Variants in BRINP1 observed in about 807,000 individuals in gnomAD.
BRINP1 encodes the protein BMP/retinoic acid-inducible neural-specific protein 1.
Under a neutral mutation model 72.9 loss-of-function variants are expected in BRINP1, and 17 were observed. The observed-to-expected ratio is 0.23, with a 90% CI of 0.16 to 0.35. BRINP1 has a LOEUF of 0.35. BRINP1 is among the 10% of genes least tolerant of loss of function. The pLI is 1.00. For missense variants in BRINP1, 850 were observed against 1,001.6 expected (o/e 0.85, Z 2.04); for synonymous variants, 418 against 378.5 (o/e 1.10, Z -1.21).
chr9:119,295,147 TTTA>T (rs1420651936), intron 2 of BRINP1, among the ~76,000 whole-genome samples: 2 of 149,900 alleles, frequency 1.3e-5, no homozygotes, highest in African/African-American at 5.0e-5. Context: ...TGCATTATTT[TTTA>T]TTATTTTTAA....
chr9:119,273,698 C>T (rs957414195), intron 2 of BRINP1, among the ~76,000 whole-genome samples: 1 of 152,166 alleles, frequency 6.6e-6, no homozygotes. Flanking sequence ...CTCATTAGTA[C>T]TCATTAGCAG....
intron 2 of BRINP1, among the ~76,000 whole-genome samples, chr9:119,299,873 C>T (rs1405121498): frequency 2.0e-5 from 3 of 152,112 alleles, no homozygotes; most frequent in East Asian, 3.9e-4. Flanking sequence ...GCAGATATCC[C>T]AACTGCATTA....
At chr9:119,192,922 CCT>C (rs1829696902) in intron 7 of BRINP1, among the ~76,000 whole-genome samples, 1 of 152,034 alleles carries the variant, frequency 6.6e-6, no homozygotes, top group African/African-American at 2.4e-5. Context: ...GGAACTGGCT[CCT>C]CAACCCCCCA....
intron 1 of BRINP1, among the ~76,000 whole-genome samples, chr9:119,325,518 C>T (rs1234194694): frequency 1.3e-5 from 2 of 152,200 alleles, no homozygotes; most frequent in Non-Finnish European, 2.9e-5. Flanking sequence ...TCTCTCTAAA[C>T]CTCAGAGCAA....
At chr9:119,243,533 T>G (rs1196021757) in intron 3 of BRINP1, among the ~76,000 whole-genome samples, 2 of 152,244 alleles carry the variant, frequency 1.3e-5, no homozygotes, top group Non-Finnish European at 2.9e-5. Flanking sequence ...TGTATCTTTG[T>G]AATAGAATGA....
At chr9:119,252,619 T>G (rs928537662) in intron 2 of BRINP1, among the ~76,000 whole-genome samples, 2 of 152,024 alleles carry the variant, frequency 1.3e-5, no homozygotes, top group Non-Finnish European at 2.9e-5. Flanking sequence ...TTTTTTCATA[T>G]GAACACACCC....
intron 7 of BRINP1, among the ~76,000 whole-genome samples, chr9:119,205,484 A>T (rs1332454): frequency 0.17 from 25,325 of 151,980 alleles, 2,425 homozygotes; most frequent in Admixed American, 0.27. Flanking sequence ...GCAGAAGGAG[A>T]GCAGAGACTT....
intron 5 of BRINP1, among the ~76,000 whole-genome samples, chr9:119,221,656 C>T (rs969392664): frequency 1.3e-5 from 2 of 152,036 alleles, no homozygotes; most frequent in Non-Finnish European, 1.5e-5. Context: ...TATAAGAATT[C>T]GGAAATGTCC....
intron 1 of BRINP1, among the ~76,000 whole-genome samples, chr9:119,317,996 T>A (rs1378838452): frequency 6.6e-6 from 1 of 152,218 alleles, no homozygotes; most frequent in Non-Finnish European, 1.5e-5. Flanking sequence ...TTGGGGTGAT[T>A]CAATTTATTG....
intron 2 of BRINP1, among the ~76,000 whole-genome samples, chr9:119,311,159 T>A (rs1831062407): frequency 6.6e-6 from 1 of 152,216 alleles, no homozygotes; most frequent in South Asian, 2.1e-4. Context: ...TTTATTTTAC[T>A]CTTCATTGTA....
chr9:119,288,622 G>C (rs547375210), intron 2 of BRINP1, among the ~76,000 whole-genome samples: 1 of 152,230 alleles, frequency 6.6e-6, no homozygotes, highest in Non-Finnish European at 1.5e-5. Context: ...ACGATTTAGG[G>C]GTGATATTTT....
intron 7 of BRINP1, among the ~76,000 whole-genome samples, chr9:119,194,922 T>A (rs1829720265): frequency 6.6e-6 from 1 of 152,198 alleles, no homozygotes; most frequent in Non-Finnish European, 1.5e-5. Context: ...GTCTCTTAAT[T>A]TATGGTAATT....
At position 119,166,784 on chromosome 9, in the gene BRINP1, T is replaced by C. The variant is rs1002868633; in HGVS notation, c.*300A>G. 2 of 297,166 alleles carry C rather than the reference T, an allele frequency of 6.7e-6. No individual in the cohort carries two copies. The highest frequency in any genetic ancestry group is 1.3e-5 in the Non-Finnish European group (2 of 159,430). The allele number at this position is 297,166 out of a possible 1,614,324, so 18.4% of individuals were successfully genotyped here. On this transcript the variant is annotated 3_prime_UTR_variant, in exon 8 of 8. Transcript: ENST00000265922. ...AGAGATCTTTACAATTCATTGCATATGCTTTCTCCCTTCTCCCCCAATACA... is the reference window on the plus strand; with the variant it reads ...AGAGATCTTTACAATTCATTGCATACGCTTTCTCCCTTCTCCCCCAATACA...
At chr9:119,179,157 A>T (rs1253318506) in intron 7 of BRINP1, among the ~76,000 whole-genome samples, 1 of 152,142 alleles carries the variant, frequency 6.6e-6, no homozygotes, top group Non-Finnish European at 1.5e-5. Flanking sequence ...GGAGGGTCTC[A>T]CAAAGGCTGA....
intron 2 of BRINP1, among the ~76,000 whole-genome samples, chr9:119,292,964 G>A (rs193249870): frequency 2.0e-5 from 3 of 152,262 alleles, no homozygotes; most frequent in Non-Finnish European, 2.9e-5. Flanking sequence ...TGATTTAGTC[G>A]TAGTTTCCAC....
intron 7 of BRINP1, among the ~76,000 whole-genome samples, chr9:119,176,564 T>TTAAG (rs1314982741): frequency 1.3e-5 from 2 of 152,164 alleles, no homozygotes; most frequent in South Asian, 2.1e-4. Flanking sequence ...TCATCTCTTT[T>TTAAG]TAAGTCTCAG....
chr9:119,270,864 C>A (rs983788226), intron 2 of BRINP1, among the ~76,000 whole-genome samples: 2 of 152,132 alleles, frequency 1.3e-5, no homozygotes, highest in African/African-American at 4.8e-5. Context: ...CCTCACTATT[C>A]ACCAGAATCT....
chr9:119,361,772 C>A (rs886363586), intron 1 of BRINP1, among the ~76,000 whole-genome samples: 1 of 150,250 alleles, frequency 6.7e-6, no homozygotes, highest in African/African-American at 2.5e-5. Flanking sequence ...AGGTGTGCAC[C>A]ATTACGCCCA....
intron 7 of BRINP1, among the ~76,000 whole-genome samples, chr9:119,184,106 C>A (rs1829588081): frequency 6.6e-6 from 1 of 152,054 alleles, no homozygotes; most frequent in Admixed American, 6.6e-5. Flanking sequence ...AAGAAAAAAC[C>A]AAAAACAACA....
Sources: gnomAD v4.1 joint callset for allele counts (sites outside exome capture counted in the v4.1 genomes callset) on GRCh38, gnomAD v4.1.1 for gene constraint, MANE v1.5 for transcripts, NCBI Gene and HGNC (gene_info 2026-07-23, HGNC 2026-07-21) for gene names.